DOK4: variants seen among roughly 807,000 people sequenced by gnomAD.
The protein encoded by DOK4 is docking protein 4.
In DOK4, 26 loss-of-function variants were observed where a neutral mutation model predicts 40.1. The observed-to-expected ratio is 0.65, with a 90% CI of 0.48 to 0.90. DOK4 has a LOEUF of 0.90. Among genes scored for constraint, DOK4 ranks in the 40% least tolerant of loss-of-function variants. The probability of loss-of-function intolerance (pLI) is 0.00; values close to 1 mark genes in which losing one functional copy is unlikely to be tolerated. For synonymous variants in DOK4, 179 were observed against 177.0 expected (o/e 1.01, Z -0.09); for missense variants, 392 against 437.2 (o/e 0.90, Z 0.92).
chr16:57,479,314 C>T lies in DOK4; in HGVS notation c.66+128G>A. ...GCACGCTGGCGAGGAGCCCCGAGAC[C>T]ACAGATGCACGATGCCCGGCAGCCG... On this transcript the variant is annotated intron_variant, in intron 2 of 8. Transcript: ENST00000340099. This position sits in a 1 kb window ranked among gnomAD's most constrained non-coding sequence, Gnocchi z 5.8. 1 of 1,054,292 alleles carries T rather than the reference C, an allele frequency of 9.5e-7. No individual in the cohort carries two copies. The highest frequency in any genetic ancestry group is 1.5e-5 in the South Asian group (1 of 67,802). The allele number at this position is 1,054,292 out of a possible 1,614,324, so 65.3% of individuals were successfully genotyped here.
intron 6 of DOK4, 112 bp from the exon 7 acceptor site, chr16:57,474,151 C>T: frequency 6.8e-7 from 1 of 1,472,518 alleles, no homozygotes; most frequent in Non-Finnish European, 9.2e-7. Flanking sequence ...GCCGGGAGGA[C>T]AGGTAGGGCT....
rs1348797425 is a variant in DOK4, at chr16:57,479,162, C to T, written c.66+280G>A. Among the ~76,000 whole-genome samples the T allele has an allele frequency of 1.3e-5, 2 of 152,212 alleles. No homozygotes were observed. Among genetic ancestry groups the T allele is most frequent in the South Asian group, 2.1e-4 (1 of 4,826 alleles). ...ACAACTTCAACAATAGCAGGGGAGC[C>T]GCCTGCCCATCGGTGGCCACCATTG... On this transcript the variant is annotated intron_variant, in intron 2 of 8. Coordinates refer to ENST00000340099, the Ensembl canonical transcript of DOK4. This position sits in a 1 kb window ranked among gnomAD's most constrained non-coding sequence, Gnocchi z 5.8.
exon 4 of DOK4, chr16:57,475,596 A>C: frequency 6.2e-7 from 1 of 1,606,356 alleles, no homozygotes; most frequent in Admixed American, 1.7e-5. Context: ...CGCGTAACAC[A>C]CTTGACGTTG....
exon 9 of DOK4, chr16:57,473,425 T>C: frequency 6.2e-7 from 1 of 1,614,106 alleles, no homozygotes; most frequent in Non-Finnish European, 8.5e-7. Context: ...GGCTGGGCTT[T>C]GGCTTTAGCA....
Position 57,485,473 on chromosome 16 carries a change from C to T in DOK4, c.-182+832G>A, listed in dbSNP as rs1199541076. On this transcript the variant is annotated intron_variant, in intron 1 of 8. Coordinates refer to ENST00000340099, the Ensembl canonical transcript of DOK4. The surrounding 1 kb of genome is among the most constrained non-coding windows in gnomAD (Gnocchi z 4.3). The stretch of plus-strand genomic sequence containing the variant: ...TGAAAGGGTCCAGGAAAGAACCTGC[C>T]CTAAGCAAGCCCACCTCACACTGCC... Among the ~76,000 whole-genome samples the T allele has an allele frequency of 6.6e-6, 1 of 152,170 alleles. No homozygotes were observed. Among genetic ancestry groups the T allele is most frequent in the African/African-American group, 2.4e-5 (1 of 41,446 alleles).
At chr16:57,475,507 TGAGTCGCAGGTGAAGGTACGTGCC>T in exon 4 of DOK4, 1 of 1,602,878 alleles carries the variant, frequency 6.2e-7, no homozygotes. Flanking sequence ...GCGCCTCACC[TGAGTCGCAGGTGAAGGTACGTGCC>T]GAGTCATCAG....
exon 9 of DOK4, chr16:57,473,058 A>G: frequency 6.4e-6 from 2 of 310,574 alleles, no homozygotes; most frequent in Non-Finnish European, 1.2e-5. Context: ...CATGGGATTA[A>G]AAAATTTGTG....
At chr16:57,480,943 T>A (rs1187594203) in intron 1 of DOK4, among the ~76,000 whole-genome samples, 6 of 152,156 alleles carry the variant, frequency 3.9e-5, no homozygotes, top group African/African-American at 1.4e-4. Flanking sequence ...GGGGGGAACA[T>A]CCTGCTGCCG....
rs143571466 is a variant in DOK4 at position 57,474,217 on chromosome 16, C to T, written c.600-178G>A. On this transcript the variant is annotated intron_variant, in intron 6 of 8. Transcript: ENST00000340099. ...ATGTGCTGAGCATATTCTATACCAG[C>T]TGGTGCTTGAAATGCATTATAAGAA... is the stretch of plus-strand genomic sequence containing the variant. Among the ~76,000 whole-genome samples, 256 of 152,320 alleles carry T rather than the reference C, an allele frequency of 1.7e-3. 3 individuals are homozygous for T. The highest frequency in any genetic ancestry group is 5.9e-3 in the African/African-American group (244 of 41,556).
At position 57,473,423 on chromosome 16, in the gene DOK4, T is replaced by C. The variant is rs1869747080; in HGVS notation, c.935A>G (p.Lys312Arg). Residue 312 changes from lysine (K) to arginine (R), a missense_variant, in exon 9 of 9, where the codon AAG (lysine) becomes AGG (arginine). Transcript: ENST00000340099. ...CTCACTGCTGTCCCCCTGGCTGGGC[T>C]TTGGCTTTAGCAGGATGAATCTGTT... 2.5e-6 allele frequency: 4 copies of C among 1,614,058 alleles called. No homozygotes were observed. In the South Asian group the frequency reaches 3.3e-5, roughly 13 times the overall value.
Position 57,475,843 on chromosome 16 carries a change from T to C in DOK4, c.174+7A>G, listed in dbSNP as rs559967299. 3 of 1,603,310 alleles carry C rather than the reference T, an allele frequency of 1.9e-6. No individual in the cohort carries two copies. In the East Asian group the frequency reaches 6.9e-5, roughly 37 times the overall value. On this transcript the variant is annotated splice_region_variant and intron_variant, in intron 3 of 8. Transcript: ENST00000340099. The stretch of plus-strand genomic sequence containing the variant: ...ACTTGGGGGAGCTAGGGCCCAGGCC[T>C]CCTAACCTTGGGGCAGCCCCGGAGG...
intron 1 of DOK4, among the ~76,000 whole-genome samples, chr16:57,480,742 A>G (rs1456826733): frequency 1.3e-5 from 2 of 152,194 alleles, no homozygotes; most frequent in Non-Finnish European, 2.9e-5. Context: ...AATCAGGCAG[A>G]TCTACAGACA....
At chr16:57,472,205 ATCC>A (rs1199869548) in exon 9 of DOK4, 1 of 152,308 alleles carries the variant, frequency 6.6e-6, no homozygotes, top group African/African-American at 2.4e-5. Context: ...GTGCTTTATC[ATCC>A]TCCTGCCACA....
Position 57,485,204 on chromosome 16 carries a change from T to C in DOK4, c.-182+1101A>G, listed in dbSNP as rs1452946358. ...GCTGTGCCCAAGACCCGCAGTTTGG[T>C]TCAGAGCTGCCTCAGGGAAGAGCAT... On this transcript the variant is annotated intron_variant, in intron 1 of 8. Transcript: ENST00000340099. This position sits in a 1 kb window ranked among gnomAD's most constrained non-coding sequence, Gnocchi z 4.3. Among the ~76,000 whole-genome samples the C allele has an allele frequency of 6.6e-6, 1 of 152,208 alleles. No homozygotes were observed. The highest frequency in any genetic ancestry group is 2.4e-5 in the African/African-American group (1 of 41,462).
chr16:57,475,369 C>A, intron 4 of DOK4, 137 bp downstream of exon 4: 1 of 1,422,204 alleles, frequency 7.0e-7, no homozygotes, highest in Non-Finnish European at 9.6e-7. Flanking sequence ...GGCCTGCTCC[C>A]TGAAAGCACC....
intron 1 of DOK4, among the ~76,000 whole-genome samples, chr16:57,483,750 A>G (rs906272597): frequency 1.3e-5 from 2 of 152,154 alleles, no homozygotes; most frequent in Admixed American, 6.5e-5. Flanking sequence ...CTTGTCCCCA[A>G]CAGGCCTGCA....
chr16:57,479,332 G>A lies in DOK4; in HGVS notation c.66+110C>T, dbSNP rs960725252. 3.1e-5 allele frequency: 38 copies of A among 1,237,320 alleles called. No homozygotes were observed. In the East Asian group the frequency reaches 7.6e-4, roughly 25 times the overall value. The allele number at this position is 1,237,320 out of a possible 1,614,324, so 76.6% of individuals were successfully genotyped here. On this transcript the variant is annotated intron_variant, in intron 2 of 8. Coordinates refer to ENST00000340099, the Ensembl canonical transcript of DOK4. The surrounding 1 kb of genome is among the most constrained non-coding windows in gnomAD (Gnocchi z 5.8). Reference sequence around the variant, plus strand: ...CCGAGACCACAGATGCACGATGCCCGGCAGCCGGAGGGCAGCCGCGTGCCC... The same window carrying A: ...CCGAGACCACAGATGCACGATGCCCAGCAGCCGGAGGGCAGCCGCGTGCCC...
rs1455779536 is a variant in DOK4, at chr16:57,479,885, C to T, written c.-181-197G>A. 1.5e-5 allele frequency: 3 copies of T among 200,390 alleles called. No homozygotes were observed. The highest frequency in any genetic ancestry group is 1.0e-5 in the Non-Finnish European group (1 of 97,390). 12.4% of individuals were successfully genotyped at this position (200,390 alleles called of 1,614,324 possible). A position where few individuals can be genotyped will look rare whatever the true frequency, so the allele number is the denominator to read the frequency against. Reference sequence around the variant, plus strand: ...CCATTCAGGAAAACCGAGGTGGAGGCGGCAGTGAGGAAAATGGTCCAGCCC... The same window carrying T: ...CCATTCAGGAAAACCGAGGTGGAGGTGGCAGTGAGGAAAATGGTCCAGCCC... On this transcript the variant is annotated intron_variant, in intron 1 of 8. Coordinates refer to ENST00000340099, the Ensembl canonical transcript of DOK4. The surrounding 1 kb of genome is among the most constrained non-coding windows in gnomAD (Gnocchi z 5.8).
intron 5 of DOK4, 24 bp downstream of exon 5, chr16:57,475,076 C>CCCAGGG (rs1445009204): frequency 1.8e-5 from 29 of 1,610,282 alleles, no homozygotes; most frequent in Non-Finnish European, 2.5e-5. Context: ...CCTCCCCACC[C>CCCAGGG]CCAGGGCCAG....
Sources: gnomAD v4.1 joint callset for allele counts (sites outside exome capture counted in the v4.1 genomes callset) on GRCh38, gnomAD v4.1.1 for gene constraint, Gnocchi (gnomAD v3.1) non-coding constraint, MANE v1.5 for transcripts, NCBI Gene and HGNC (gene_info 2026-07-23, HGNC 2026-07-21) for gene names.